CDH13: variants seen among roughly 807,000 people sequenced by gnomAD.
CDH13 encodes cadherin 13, also known as cadherin-13.
Under a neutral mutation model 63.8 loss-of-function variants are expected in CDH13, and 24 were observed. That is an observed-to-expected ratio of 0.38 (90% CI 0.27 to 0.53). CDH13 has a LOEUF of 0.53. CDH13 is among the 20% of genes least tolerant of loss of function. CDH13 has a pLI of 0.85. For missense variants in CDH13, 1,049 were observed against 903.1 expected (o/e 1.16, Z -2.07); for synonymous variants, 503 against 355.3 (o/e 1.42, Z -4.67).
chr16:83,277,906 A>C (rs1219066520), intron 5 of CDH13, among the ~76,000 whole-genome samples: 2 of 152,210 alleles, frequency 1.3e-5, no homozygotes, highest in Non-Finnish European at 2.9e-5. Context: ...CTATTGGGCA[A>C]CAAACTAAAT....
chr16:82,667,845 A>G (rs1912783250), intron 1 of CDH13, among the ~76,000 whole-genome samples: 1 of 152,100 alleles, frequency 6.6e-6, no homozygotes, highest in Admixed American at 6.5e-5. Context: ...CTGTGCTGTT[A>G]GGGAGCCTTT....
Position 82,673,474 on chromosome 16 carries a change from G to A in CDH13, c.45+46337G>A, listed in dbSNP as rs183831268. Among the ~76,000 whole-genome samples the A allele has an allele frequency of 2.3e-3, 352 of 152,202 alleles. 2 individuals carry two copies. The highest frequency in any genetic ancestry group is 8.2e-3 in the African/African-American group (339 of 41,512). ...AAACGTTTATTGAGCACTGACTGTG[G>A]CACTTTGCTTTTTAGTGATGAACAA... is the stretch of plus-strand genomic sequence containing the variant. On this transcript the variant is annotated intron_variant, in intron 1 of 13. Coordinates refer to ENST00000567109, the MANE Select transcript of CDH13 (RefSeq NM_001257.5).
At chr16:83,346,662 T>C (rs2090846694) in intron 6 of CDH13, among the ~76,000 whole-genome samples, 1 of 152,218 alleles carries the variant, frequency 6.6e-6, no homozygotes, top group African/African-American at 2.4e-5. Flanking sequence ...CCTTAAAGTT[T>C]AGAAAAGAAT....
chr16:82,909,658 A>T (rs2041765947), intron 2 of CDH13, among the ~76,000 whole-genome samples: 1 of 152,006 alleles, frequency 6.6e-6, no homozygotes, highest in South Asian at 2.1e-4. Flanking sequence ...CCATTTGTAA[A>T]ACCACCGGAT....
intron 4 of CDH13, among the ~76,000 whole-genome samples, chr16:83,175,664 A>AAAAC (rs76748362): frequency 1.3e-5 from 2 of 151,754 alleles, no homozygotes; most frequent in African/African-American, 2.4e-5. Flanking sequence ...CAGATAAGTT[A>AAAAC]AAACAAACAA....
intron 7 of CDH13, among the ~76,000 whole-genome samples, chr16:83,554,398 G>A: frequency 6.6e-6 from 1 of 152,148 alleles, no homozygotes; most frequent in Non-Finnish European, 1.5e-5. Context: ...GCATATAATG[G>A]TGATGGAGGC....
intron 5 of CDH13, among the ~76,000 whole-genome samples, chr16:83,266,307 G>C (rs957903538): frequency 6.6e-6 from 1 of 152,124 alleles, no homozygotes; most frequent in African/African-American, 2.4e-5. Flanking sequence ...AGGTTTCACT[G>C]GATTTAAGCA....
rs536639776 is a variant in CDH13 at position 83,695,290 on chromosome 16, T to G, written c.1538+16829T>G. ...AGGATCATTGTTACTGATTTTTCAT[T>G]TTGTGTCCAGCTCACATATGACTCA... On this transcript the variant is annotated intron_variant, in intron 10 of 13. Coordinates refer to ENST00000567109, the MANE Select transcript of CDH13 (RefSeq NM_001257.5). Among the ~76,000 whole-genome samples, 3 of 152,340 alleles carry G rather than the reference T, an allele frequency of 2.0e-5. No homozygotes were observed. In the South Asian group the frequency reaches 6.2e-4, roughly 32 times the overall value.
chr16:82,841,808 C>G (rs545369161), intron 1 of CDH13, among the ~76,000 whole-genome samples: 61 of 152,128 alleles, frequency 4.0e-4, no homozygotes, highest in African/African-American at 1.3e-3. Flanking sequence ...GAAATAGGAA[C>G]TGGAATACCT....
intron 2 of CDH13, among the ~76,000 whole-genome samples, chr16:83,024,364 G>C (rs930177312): frequency 6.6e-6 from 1 of 152,194 alleles, no homozygotes; most frequent in African/African-American, 2.4e-5. Flanking sequence ...TAAAGGGTCA[G>C]TCAGTTAAAA....
At chr16:83,161,630 T>C (rs1353066541) in intron 4 of CDH13, among the ~76,000 whole-genome samples, 2 of 152,126 alleles carry the variant, frequency 1.3e-5, no homozygotes, top group African/African-American at 4.8e-5. Flanking sequence ...ACCACCAACA[T>C]TTCCCTCCCC....
chr16:83,241,857 A>C (rs146203912), intron 5 of CDH13, among the ~76,000 whole-genome samples: 152 of 152,226 alleles, frequency 1.0e-3, no homozygotes, highest in Non-Finnish European at 1.7e-3. Context: ...TCATTTGCCT[A>C]GTTTTGCTTT....
chr16:83,076,569 A>T (rs1443209156), intron 3 of CDH13, among the ~76,000 whole-genome samples: 1 of 152,148 alleles, frequency 6.6e-6, no homozygotes, highest in East Asian at 1.9e-4. Context: ...ATGTGCCCAT[A>T]ACCTCGATTC....
chr16:82,817,514 C>A (rs2037780206), intron 1 of CDH13, among the ~76,000 whole-genome samples: 1 of 152,102 alleles, frequency 6.6e-6, no homozygotes, highest in South Asian at 2.1e-4. Flanking sequence ...TATATACATA[C>A]AAATATAGAG....
chr16:83,719,289 C>T (rs538040831), intron 10 of CDH13, among the ~76,000 whole-genome samples: 11 of 152,176 alleles, frequency 7.2e-5, no homozygotes, highest in South Asian at 6.2e-4. Flanking sequence ...GGGACCACTG[C>T]GTACCAGACC....
chr16:82,888,959 G>T (rs1390523445), intron 2 of CDH13, among the ~76,000 whole-genome samples: 3 of 152,184 alleles, frequency 2.0e-5, no homozygotes, highest in African/African-American at 7.2e-5. Context: ...GGTGTTTTAA[G>T]ATCCTGTGCC....
intron 1 of CDH13, among the ~76,000 whole-genome samples, chr16:82,763,490 A>T (rs1281521491): frequency 1.3e-5 from 2 of 152,204 alleles, no homozygotes; most frequent in South Asian, 4.1e-4. Flanking sequence ...GAAAGAAAAA[A>T]TGAAAAGGTT....
intron 8 of CDH13, among the ~76,000 whole-genome samples, chr16:83,651,926 C>T (rs965757264): frequency 6.6e-6 from 1 of 152,182 alleles, no homozygotes; most frequent in African/African-American, 2.4e-5. Flanking sequence ...CAGAGTGCCA[C>T]TGGAGTGCGT....
rs1054421615 is a variant in CDH13 at position 82,706,300 on chromosome 16, A to G, written c.45+79163A>G. Among the ~76,000 whole-genome samples the G allele has an allele frequency of 1.2e-4, 18 of 152,338 alleles. 1 individual carries two copies. In the Middle Eastern group the frequency reaches 0.014, roughly 115 times the overall value. On this transcript the variant is annotated intron_variant, in intron 1 of 13. Coordinates refer to ENST00000567109, the MANE Select transcript of CDH13 (RefSeq NM_001257.5). ...ATGATGAGTAACACAGGTGATAAAT[A>G]AACAGTTAACAAGATAAGAAAAATG...
Sources: gnomAD v4.1 joint callset for allele counts (sites outside exome capture counted in the v4.1 genomes callset) on GRCh38, gnomAD v4.1.1 for gene constraint, MANE v1.5 for transcripts, NCBI Gene and HGNC (gene_info 2026-07-23, HGNC 2026-07-21) for gene names.